Variants in RBM26 observed in about 807,000 individuals in gnomAD.
RBM26 encodes the protein RNA binding motif protein 26.
Under a neutral mutation model 123.6 loss-of-function variants are expected in RBM26, and 30 were observed. The ratio of observed to expected loss-of-function variants is 0.24; its 90% confidence interval spans 0.18 to 0.33. RBM26 has a LOEUF of 0.33. Among genes scored for constraint, RBM26 ranks in the 10% least tolerant of loss-of-function variants. The probability of loss-of-function intolerance (pLI) is 1.00; values close to 1 mark genes in which losing one functional copy is unlikely to be tolerated. For missense variants in RBM26, 947 were observed against 1,203.6 expected, an observed-to-expected ratio of 0.79 and a Z score of 3.15; for synonymous variants, 400 against 404.4, an observed-to-expected ratio of 0.99 and a Z score of 0.13.
At chr13:79,404,763 T>A (rs1001948519) in intron 1 of RBM26, among the ~76,000 whole-genome samples, 1 of 152,220 alleles carries the variant, frequency 6.6e-6, no homozygotes, top group African/African-American at 2.4e-5. Flanking sequence ...CAATGTGAAA[T>A]AGCCCCCCTC....
In RBM26 at chr13:79,319,076, A is replaced by C. The variant is rs1355943544; in HGVS notation, c.*1545T>G. 1 of 984,266 alleles carries C rather than the reference A, an allele frequency of 1.0e-6. No homozygotes were observed. The highest frequency in any genetic ancestry group is 1.8e-5 in the African/African-American group (1 of 57,128). 61.0% of individuals were successfully genotyped at this position (984,266 alleles called of 1,614,324 possible). ...AAACGTAGACACGAATTGCAAGGCA[A>C]AGCATTTCTATGAAATAGTGTTACC... On this transcript the variant is annotated 3_prime_UTR_variant, in exon 22 of 22. Transcript: ENST00000438737.
chr13:79,399,153 C>A (rs1055054836), intron 1 of RBM26, among the ~76,000 whole-genome samples: 1 of 152,166 alleles, frequency 6.6e-6, no homozygotes, highest in Non-Finnish European at 1.5e-5. Context: ...CTGGATAGAT[C>A]ATAGGCAGCT....
intron 20 of RBM26, among the ~76,000 whole-genome samples, chr13:79,334,015 G>A (rs181412761): frequency 5.8e-4 from 88 of 152,094 alleles, no homozygotes; most frequent in African/African-American, 2.1e-3. Flanking sequence ...ATCCTGTTTT[G>A]GGTCAGCTGA....
At chr13:79,314,734 A>T (rs2067003691), downstream of RBM26, 1 of 207,486 alleles carries the variant, frequency 4.8e-6, no homozygotes, top group East Asian at 1.3e-4. Flanking sequence ...TTTAAAAAAT[A>T]AATGGCTATA....
intron 1 of RBM26, chr13:79,389,563 C>T (rs1259948634): frequency 6.6e-6 from 1 of 152,118 alleles, no homozygotes; most frequent in African/African-American, 2.4e-5. Flanking sequence ...ATGTACTAAC[C>T]AAGCCTAATC....
At chr13:79,322,317 G>C in intron 21 of RBM26, 32 bp downstream of exon 21, 1 of 1,340,012 alleles carries the variant, frequency 7.5e-7, no homozygotes, top group Non-Finnish European at 1.0e-6. Context: ...GAACGATTAA[G>C]GGTAAAAATA....
At chr13:79,381,856 T>C (rs2077095410) in intron 1 of RBM26, among the ~76,000 whole-genome samples, 2 of 139,350 alleles carry the variant, frequency 1.4e-5, no homozygotes, top group Admixed American at 7.2e-5. Flanking sequence ...TTCTAAATCC[T>C]TGAAATAATT....
intron 3 of RBM26, 138 bp downstream of exon 3, chr13:79,377,241 T>C (rs1566527281): frequency 1.5e-6 from 1 of 662,788 alleles, no homozygotes; most frequent in Non-Finnish European, 2.6e-6. Flanking sequence ...CAGAGTCCTA[T>C]GAGTCCTCCT....
At chr13:79,322,538 CATTAAA>C in intron 20 of RBM26, 76 bp from the exon 21 acceptor site, 1 of 946,752 alleles carries the variant, frequency 1.1e-6, no homozygotes, top group South Asian at 1.8e-5. Flanking sequence ...TAGTGCCTAA[CATTAAA>C]ATTAAAATAG....
At chr13:79,385,356 CAAAAT>C (rs921252490) in intron 1 of RBM26, among the ~76,000 whole-genome samples, 2 of 152,150 alleles carry the variant, frequency 1.3e-5, no homozygotes, top group Non-Finnish European at 2.9e-5. Context: ...GTTCATTCTA[CAAAAT>C]AAAATCAAAA....
chr13:79,346,922 CTAAT>C (rs2072428094), intron 14 of RBM26, among the ~76,000 whole-genome samples: 2 of 152,048 alleles, frequency 1.3e-5, no homozygotes, highest in East Asian at 1.9e-4. Flanking sequence ...GAAAAAACTC[CTAAT>C]TATTTAAGTG....
downstream of RBM26, chr13:79,318,681 A>C: frequency 5.7e-6 from 3 of 529,868 alleles, no homozygotes; most frequent in Non-Finnish European, 7.2e-6. Context: ...AAATAAACAG[A>C]ATATGTATTT....
intron 14 of RBM26, 143 bp from the exon 15 acceptor site, chr13:79,344,937 C>A: frequency 8.9e-6 from 6 of 676,048 alleles, no homozygotes; most frequent in Non-Finnish European, 1.1e-5. Flanking sequence ...CTTATAATAA[C>A]GAAATCATAT....
chr13:79,351,001 T>C (rs1354959993), intron 14 of RBM26, among the ~76,000 whole-genome samples: 2 of 152,234 alleles, frequency 1.3e-5, no homozygotes, highest in African/African-American at 4.8e-5. Context: ...CATAAATAGC[T>C]TGCTACCATA....
At position 79,344,793 on chromosome 13, in the gene RBM26, A is replaced by G; in HGVS notation, c.2060T>C (p.Val687Ala). Residue 687 changes from valine to alanine, a missense_variant and splice_region_variant, in exon 15 of 22, where the codon GTG becomes GCG. Coordinates refer to ENST00000438737, the MANE Select transcript of RBM26 (RefSeq NM_001366735.2). ...TGTTAGGCCAGTAGATGTAGACAAC[A>G]CCTACCAATACAAATTCAACTTTTA... ...SKPSVSATEK[V>A]LSTSTGLTKT... The G allele has an allele frequency of 6.2e-7, 1 of 1,608,868 alleles. No individual in the cohort carries two copies. The highest frequency in any genetic ancestry group is 8.5e-7 in the Non-Finnish European group (1 of 1,178,340).
Position 79,368,868 on chromosome 13 carries a change from T to G in RBM26, c.757A>C (p.Ser253Arg). The change falls in exon 6 of 22, where the codon AGC (serine) becomes CGC (arginine). Residue 253 changes from serine (S) to arginine (R), a missense_variant. Physicochemically the swap from Ser to Arg is moderately radical, Grantham distance 110. Coordinates refer to ENST00000438737, the MANE Select transcript of RBM26 (RefSeq NM_001366735.2). ...GTAGGAGCAATTACTGTAATAGTGC[T>G]GCTCAAAGTAGGTACAGGGTAGTGG... ...SGHYPVPTLS[S>R]TITVIAPTHH... The G allele has an allele frequency of 6.2e-7, 1 of 1,613,950 alleles. No homozygotes were observed. The highest frequency in any genetic ancestry group is 8.5e-7 in the Non-Finnish European group (1 of 1,179,896).
chr13:79,363,392 G>A (rs2074925784), intron 9 of RBM26, among the ~76,000 whole-genome samples: 6 of 152,096 alleles, frequency 3.9e-5, no homozygotes, highest in Admixed American at 3.9e-4. Context: ...AACACATGGT[G>A]GGAGGAGGGA....
chr13:79,378,734 C>T, intron 2 of RBM26, 55 bp downstream of exon 2: 2 of 1,134,574 alleles, frequency 1.8e-6, no homozygotes, highest in Non-Finnish European at 2.6e-6. Flanking sequence ...GCCACCATGC[C>T]AAGCCTTAAA....
chr13:79,337,638 G>A (rs150393904), intron 18 of RBM26, among the ~76,000 whole-genome samples: 2,504 of 152,242 alleles, frequency 0.016, 32 homozygotes, highest in Non-Finnish European at 0.026. Flanking sequence ...CAGAAGTCAG[G>A]ATAATAAACA....
Sources: allele counts gnomAD v4.1 joint callset (sites outside exome capture counted in the v4.1 genomes callset), GRCh38; gene constraint gnomAD v4.1.1; transcripts MANE v1.5; gene names NCBI Gene and HGNC (gene_info 2026-07-23, HGNC 2026-07-21).